HYDIN: variants seen among roughly 807,000 people sequenced by gnomAD.
The protein encoded by HYDIN is axonemal central pair apparatus protein HYDIN.
A neutral mutation model predicts 403.9 loss-of-function variants in HYDIN; 132 were observed. That is an observed-to-expected ratio of 0.33 (90% CI 0.28 to 0.38). HYDIN has a LOEUF of 0.38. Among genes scored for constraint, HYDIN ranks in the 10% least tolerant of loss-of-function variants. The pLI is 1.00. For synonymous variants in HYDIN, 1,202 were observed against 1,891.7 expected, an observed-to-expected ratio of 0.64 and a Z score of 9.46; for missense variants, 2,827 against 5,009.5, an observed-to-expected ratio of 0.56 and a Z score of 13.15.
At chr16:71,207,552 A>C (rs576896567) in intron 1 of HYDIN, among the ~76,000 whole-genome samples, 8 of 152,198 alleles carry the variant, frequency 5.3e-5, no homozygotes, top group Admixed American at 5.2e-4. Flanking sequence ...ATGATAACAG[A>C]ATCAAATCCA....
chr16:70,818,360 C>A lies in HYDIN; in HGVS notation c.14640G>T (p.Val4880=). ...MPDIALPSQF[V]VPANSEGTFS... ...GCCGTACCTCGGAGTTGGCAGGCACCACAAACTGGGAGGGCAGGGCGATGT... is the reference window on the plus strand; with the variant it reads ...GCCGTACCTCGGAGTTGGCAGGCACAACAAACTGGGAGGGCAGGGCGATGT... The change falls in exon 84 of 86, where the codon GTG becomes GTT. Residue 4880 remains valine, a synonymous_variant. Coordinates refer to ENST00000393567, the MANE Select transcript of HYDIN (RefSeq NM_001270974.2). The A allele has an allele frequency of 6.2e-7, 1 of 1,613,432 alleles. No homozygotes were observed. Among genetic ancestry groups the A allele is most frequent in the Non-Finnish European group, 8.5e-7 (1 of 1,179,678 alleles).
At chr16:71,200,314 T>C (rs2144703381) in intron 1 of HYDIN, among the ~76,000 whole-genome samples, 1 of 152,330 alleles carries the variant, frequency 6.6e-6, no homozygotes, top group Non-Finnish European at 1.5e-5. Flanking sequence ...GTTTACTCTA[T>C]GGACTTGCCC....
At chr16:71,035,643 A>G (rs1409014060) in intron 18 of HYDIN, among the ~76,000 whole-genome samples, 1 of 150,814 alleles carries the variant, frequency 6.6e-6, no homozygotes, top group South Asian at 2.1e-4. Context: ...ATTATTTTAG[A>G]TAAGTTTATG....
chr16:71,062,481 T>C (rs2082124613), intron 16 of HYDIN, 148 bp from the exon 17 acceptor site: 1 of 592,628 alleles, frequency 1.7e-6, no homozygotes. Flanking sequence ...AGCACCCCAA[T>C]TCGGCCAAAA....
rs1351457141 is a variant in HYDIN at position 71,175,832 on chromosome 16, T to C, written c.382-91A>G. On this transcript the variant is annotated intron_variant, in intron 4 of 85. Transcript: ENST00000393567. ...ATCCATCAACTACTTACTAGACGTG[T>C]GACCTTGGTCAGGTCTGAACTTCAG... is the stretch of plus-strand genomic sequence containing the variant. 2.3e-6 allele frequency: 3 copies of C among 1,331,928 alleles called. No individual in the cohort carries two copies. The African/African-American group carries it at 4.3e-5, about 19-fold the overall frequency. 82.5% of individuals were successfully genotyped at this position (1,331,928 alleles called of 1,614,324 possible).
In HYDIN at chr16:70,840,271, G is replaced by A. The variant is rs768428974; in HGVS notation, c.12874-38C>T. On this transcript the variant is annotated intron_variant, in intron 75 of 85. Transcript: ENST00000393567. ...AATGGCAGGGGGACCATGATTAGGA[G>A]AAGTAGGAGGAGAGGGCTCTTAAGT... 20 of 1,062,578 alleles carry A rather than the reference G, an allele frequency of 1.9e-5. 1 individual carries two copies. Among genetic ancestry groups the A allele is most frequent in the African/African-American group, 7.7e-5 (4 of 51,718 alleles). The allele number at this position is 1,062,578 out of a possible 1,614,324, so 65.8% of individuals were successfully genotyped here. A position where few individuals can be genotyped will look rare whatever the true frequency, so the allele number is the denominator to read the frequency against.
intron 23 of HYDIN, among the ~76,000 whole-genome samples, chr16:71,005,669 G>A (rs1171077294): frequency 6.6e-6 from 1 of 152,030 alleles, no homozygotes; most frequent in Admixed American, 6.5e-5. Context: ...TTCTTAAATA[G>A]TAATTAGGCA....
At chr16:70,877,173 G>C (rs903768934) in intron 62 of HYDIN, among the ~76,000 whole-genome samples, 48 of 147,290 alleles carry the variant, frequency 3.3e-4, no homozygotes, top group Non-Finnish European at 5.3e-4. Context: ...GGAAAAGTGA[G>C]TGGAAAATAT....
At position 71,061,861 on chromosome 16, in the gene HYDIN, AGT is replaced by A. The variant is rs66689823; in HGVS notation, c.2376+306_2376+307del. 8.4e-4 allele frequency among the ~76,000 whole-genome samples: 121 copies of A among 144,088 alleles called. 1 individual carries two copies. The highest frequency in any genetic ancestry group is 3.5e-3 in the Middle Eastern group (1 of 282). The allele number at this position is 144,088 out of a possible 152,430, so 94.5% of individuals were successfully genotyped here. On this transcript the variant is annotated intron_variant, in intron 17 of 85. Transcript: ENST00000393567. The stretch of plus-strand genomic sequence containing the variant: ...TGGAGAGGGGTCAGGCATGTGTGAC[AGT>A]GTGTGTGTGTGTGTGTGTGTGTGTG...
chr16:70,866,348 T>C lies in HYDIN; in HGVS notation c.11311-19A>G. On this transcript the variant is annotated intron_variant, in intron 66 of 85. Transcript: ENST00000393567. ...CTATCACCTGTAACAAAGGCAGCTG[T>C]GTCCTCAGAGATGCAGAGCACAGGG... 2 of 869,526 alleles carry C rather than the reference T, an allele frequency of 2.3e-6. No homozygotes were observed. The highest frequency in any genetic ancestry group is 1.7e-5 in the South Asian group (1 of 60,064). 53.9% of individuals were successfully genotyped at this position (869,526 alleles called of 1,614,324 possible).
rs1257354497 is a variant in HYDIN at position 70,803,951 on chromosome 16, C to T, written c.*3629G>A. 6.6e-6 allele frequency among the ~76,000 whole-genome samples: 1 copy of T among 152,176 alleles called. No individual in the cohort carries two copies. The highest frequency in any genetic ancestry group is 1.9e-4 in the East Asian group (1 of 5,198). On this transcript the variant is annotated 3_prime_UTR_variant, in exon 86 of 86. Coordinates refer to ENST00000393567, the MANE Select transcript of HYDIN (RefSeq NM_001270974.2). ...CTACCCTGACATTTTCTGAACATCCCCCAGTTAGAAGTCTCCTGGTCTGCT... is the reference window on the plus strand; with the variant it reads ...CTACCCTGACATTTTCTGAACATCCTCCAGTTAGAAGTCTCCTGGTCTGCT...
intron 1 of HYDIN, among the ~76,000 whole-genome samples, chr16:71,196,023 T>C (rs2087683648): frequency 6.6e-6 from 1 of 152,206 alleles, no homozygotes; most frequent in Non-Finnish European, 1.5e-5. Flanking sequence ...AAGGTATGGT[T>C]GCAAAAAGTG....
chr16:71,186,805 G>A lies in HYDIN; in HGVS notation c.91C>T (p.Pro31Ser), dbSNP rs2087175162. ...FKGFQSKVLPPLSPKVVTEEE... is the reference protein window; with the variant it reads ...FKGFQSKVLPSLSPKVVTEEE... ...TCTGTAACCACCTTTGGACTCAGGG[G>A]TGGCAAAACCTTGCTTTGAAATCCT... Residue 31 changes from proline (P) to serine (S), a missense_variant, in exon 2 of 86, where the codon CCC becomes TCC. Transcript: ENST00000393567. The A allele has an allele frequency of 1.2e-6, 2 of 1,613,414 alleles. No homozygotes were observed. The highest frequency in any genetic ancestry group is 1.1e-5 in the South Asian group (1 of 91,052).
intron 1 of HYDIN, among the ~76,000 whole-genome samples, chr16:71,225,770 C>G (rs978327209): frequency 1.3e-5 from 2 of 151,748 alleles, no homozygotes; most frequent in Non-Finnish European, 2.9e-5. Flanking sequence ...GGGTATGAAA[C>G]AAGGAATGAA....
At chr16:70,838,178 A>C (rs547562436) in intron 76 of HYDIN, among the ~76,000 whole-genome samples, 37 of 151,288 alleles carry the variant, frequency 2.4e-4, no homozygotes, top group Admixed American at 3.9e-4. Context: ...CCGATTCTGT[A>C]TTTCTTTCTT....
rs376601468 is a variant in HYDIN at position 70,920,853 on chromosome 16, C to G, written c.7523G>C (p.Arg2508Pro). The G allele has an allele frequency of 6.9e-6, 11 of 1,593,638 alleles. No homozygotes were observed. The Middle Eastern group carries it at 5.0e-4, about 72-fold the overall frequency. ...RQVPLGGRRGRKDRERERLEK... is the reference protein window; with the variant it reads ...RQVPLGGRRGPKDRERERLEK... The stretch of plus-strand genomic sequence containing the variant: ...CAGGCGCTCTCTCTCCCGGTCCTTG[C>G]GGCCCCTGCGCCCACCCAAGGGGAC... Residue 2508 changes from arginine to proline, a missense_variant, in exon 46 of 86, where the codon CGC becomes CCC. Arg to Pro is a moderately radical substitution (Grantham distance 103). Transcript: ENST00000393567.
chr16:71,220,003 C>T (rs1567468822), intron 1 of HYDIN, among the ~76,000 whole-genome samples: 1 of 152,132 alleles, frequency 6.6e-6, no homozygotes, highest in Admixed American at 6.5e-5. Flanking sequence ...TGTACTCATC[C>T]CAAACCAGTG....
chr16:71,043,787 G>A (rs2081363139), intron 18 of HYDIN, among the ~76,000 whole-genome samples: 1 of 151,836 alleles, frequency 6.6e-6, no homozygotes, highest in Admixed American at 6.6e-5. Context: ...AAGTATTTAT[G>A]TTTAAGAGTA....
chr16:70,805,595 TA>T lies in HYDIN; in HGVS notation c.*1984del, dbSNP rs1293475759. 1.3e-5 allele frequency among the ~76,000 whole-genome samples: 2 copies of T among 152,226 alleles called. No homozygotes were observed. The highest frequency in any genetic ancestry group is 4.8e-5 in the African/African-American group (2 of 41,460). On this transcript the variant is annotated 3_prime_UTR_variant, in exon 86 of 86. Coordinates refer to ENST00000393567, the MANE Select transcript of HYDIN (RefSeq NM_001270974.2). ...CCCTCCAGGGGATGCTGATGTATAC[TA>T]ATATTTCAGAAGCACTGACTTTATA... is the stretch of plus-strand genomic sequence containing the variant.
Sources: allele counts gnomAD v4.1 joint callset (sites outside exome capture counted in the v4.1 genomes callset), GRCh38; gene constraint gnomAD v4.1.1; transcripts MANE v1.5; gene names NCBI Gene and HGNC (gene_info 2026-07-23, HGNC 2026-07-21).